The following PRKN variants were observed in gnomAD, a reference collection of about 807,000 sequenced individuals.
PRKN encodes the protein parkin RBR E3 ubiquitin protein ligase, also known as E3 ubiquitin-protein ligase parkin.
PRKN carries 56 observed loss-of-function variants against 59.5 expected under a neutral mutation model. The ratio of observed to expected loss-of-function variants is 0.94; its 90% CI spans 0.76 to 1.18. The LOEUF (loss-of-function observed/expected upper bound fraction) is 1.18, where lower values mean the gene tolerates loss of function less well. PRKN is among the 50% of genes most tolerant of loss of function. PRKN has a pLI of 0.00. For missense variants in PRKN, 657 were observed against 596.4 expected (o/e 1.10, Z -1.06); for synonymous variants, 250 against 222.1 (o/e 1.13, Z -1.12).
chr6:162,686,139 G>GA (rs1454439114), intron 1 of PRKN, among the ~76,000 whole-genome samples: 1 of 152,112 alleles, frequency 6.6e-6, no homozygotes. Context: ...ATGGTGACAT[G>GA]ATTTTTCTCT....
intron 2 of PRKN, among the ~76,000 whole-genome samples, chr6:162,368,896 T>C (rs1785599407): frequency 6.6e-6 from 1 of 152,210 alleles, no homozygotes; most frequent in East Asian, 1.9e-4. Context: ...ATTGGCCTAG[T>C]TCTCTTAGCT....
In PRKN at chr6:162,201,307, A is replaced by T. The variant is rs1043137871; in HGVS notation, c.413-55T>A. 8 of 1,590,116 alleles carry T rather than the reference A, an allele frequency of 5.0e-6. No homozygotes were observed. The African/African-American group carries it at 9.4e-5, about 19-fold the overall frequency. The stretch of plus-strand genomic sequence containing the variant: ...AATAATGCTGCATCTAAATTGAGAC[A>T]AGAAACTCTTTAAAAGCTTGTTAGA... On this transcript the variant is annotated intron_variant, in intron 3 of 11. Transcript: ENST00000366898.
In PRKN at chr6:161,372,740, G is replaced by A. The variant is rs1785489609; in HGVS notation, c.1168-12535C>T. On this transcript the variant is annotated intron_variant, in intron 10 of 11. Coordinates refer to ENST00000366898, the MANE Select transcript of PRKN (RefSeq NM_004562.3). The surrounding 1 kb of genome is among the most constrained non-coding windows in gnomAD (Gnocchi z 4.2). The stretch of plus-strand genomic sequence containing the variant: ...GTTCAACAAATTCCTAGGTGATGCC[G>A]ATGTCGCTAGCCTGCAGAGCTTCGG... Among the ~76,000 whole-genome samples the A allele has an allele frequency of 6.6e-6, 1 of 151,954 alleles. No individual in the cohort carries two copies. Among genetic ancestry groups the A allele is most frequent in the South Asian group, 2.1e-4 (1 of 4,808 alleles).
intron 2 of PRKN, among the ~76,000 whole-genome samples, chr6:162,384,098 T>A (rs1169587022): frequency 6.6e-6 from 1 of 152,204 alleles, no homozygotes; most frequent in Non-Finnish European, 1.5e-5. Flanking sequence ...AATGAGACTG[T>A]CTCACATTCA....
At chr6:161,758,433 T>C (rs1296192611) in intron 7 of PRKN, among the ~76,000 whole-genome samples, 1 of 152,126 alleles carries the variant, frequency 6.6e-6, no homozygotes, top group Non-Finnish European at 1.5e-5. Flanking sequence ...CAATGATAAA[T>C]TTCAAAATAA....
At chr6:162,195,565 A>T (rs1349458238) in intron 4 of PRKN, among the ~76,000 whole-genome samples, 2 of 152,230 alleles carry the variant, frequency 1.3e-5, no homozygotes, top group African/African-American at 4.8e-5. Context: ...GGCACTTTAC[A>T]TCTTACTCTA....
At chr6:162,722,773 A>G (rs1425805393) in intron 1 of PRKN, among the ~76,000 whole-genome samples, 3 of 152,318 alleles carry the variant, frequency 2.0e-5, no homozygotes, top group Non-Finnish European at 2.9e-5. Context: ...ATTTTCAGGC[A>G]ATGAAACTAT....
At chr6:162,279,753 T>G (rs891705150) in intron 2 of PRKN, among the ~76,000 whole-genome samples, 1 of 152,162 alleles carries the variant, frequency 6.6e-6, no homozygotes, top group Non-Finnish European at 1.5e-5. Context: ...CATTGGTCTG[T>G]TTAATACTGA....
intron 1 of PRKN, among the ~76,000 whole-genome samples, chr6:162,533,999 G>A (rs918120326): frequency 1.3e-5 from 2 of 150,180 alleles, no homozygotes; most frequent in Non-Finnish European, 1.5e-5. Context: ...GAGATATGAA[G>A]GAGGATTAAT....
intron 6 of PRKN, among the ~76,000 whole-genome samples, chr6:161,878,670 T>C (rs539922062): frequency 2.0e-4 from 31 of 152,174 alleles, no homozygotes; most frequent in Admixed American, 9.8e-4. Context: ...GTCCTTTTAG[T>C]GCAGGGCCCT....
chr6:162,396,793 T>C (rs185282820), intron 2 of PRKN, among the ~76,000 whole-genome samples: 10 of 152,226 alleles, frequency 6.6e-5, no homozygotes, highest in African/African-American at 2.2e-4. Flanking sequence ...GCAATCATAT[T>C]TACTGTGTTT....
chr6:161,975,553 A>G (rs2128252609), intron 5 of PRKN, among the ~76,000 whole-genome samples: 1 of 152,260 alleles, frequency 6.6e-6, no homozygotes, highest in East Asian at 1.9e-4. Context: ...CTCCTCTGAC[A>G]TGTGACACCA....
At chr6:161,826,766 C>T (rs1317969636) in intron 6 of PRKN, among the ~76,000 whole-genome samples, 2 of 152,298 alleles carry the variant, frequency 1.3e-5, no homozygotes, top group Admixed American at 6.5e-5. Context: ...CTGACAGCAC[C>T]AATTCAACAG....
intron 2 of PRKN, among the ~76,000 whole-genome samples, chr6:162,404,771 C>T (rs1236872412): frequency 2.0e-5 from 3 of 152,064 alleles, no homozygotes; most frequent in Admixed American, 6.5e-5. Context: ...AGGCTGGTCT[C>T]GAACTCCTGA....
intron 1 of PRKN, among the ~76,000 whole-genome samples, chr6:162,621,354 C>A (rs1295659820): frequency 6.6e-6 from 1 of 152,142 alleles, no homozygotes; most frequent in Non-Finnish European, 1.5e-5. Flanking sequence ...GCCAAGAGAA[C>A]AAGTCGAGGT....
At chr6:162,259,730 G>GTT (rs1779806394) in intron 3 of PRKN, among the ~76,000 whole-genome samples, 1 of 151,570 alleles carries the variant, frequency 6.6e-6, no homozygotes. Flanking sequence ...ATGCACAGGA[G>GTT]TTCTGTTGAA....
chr6:161,865,237 T>C (rs1360991859), intron 6 of PRKN, among the ~76,000 whole-genome samples: 1 of 152,216 alleles, frequency 6.6e-6, no homozygotes. Context: ...GAGTAAACCA[T>C]GGTGTAAACA....
chr6:161,543,527 T>C (rs955334834), intron 9 of PRKN, among the ~76,000 whole-genome samples: 1 of 152,208 alleles, frequency 6.6e-6, no homozygotes, highest in Non-Finnish European at 1.5e-5. Flanking sequence ...CGACACAGCA[T>C]GGTGTTTGTT....
intron 7 of PRKN, among the ~76,000 whole-genome samples, chr6:161,717,265 A>G (rs1371033049): frequency 1.3e-5 from 2 of 152,190 alleles, no homozygotes; most frequent in Admixed American, 6.5e-5. Flanking sequence ...CCCATGATGG[A>G]ATGCGGACGG....
Sources: gnomAD v4.1 joint callset for allele counts (sites outside exome capture counted in the v4.1 genomes callset) on GRCh38, gnomAD v4.1.1 for gene constraint, Gnocchi (gnomAD v3.1) non-coding constraint, MANE v1.5 for transcripts, NCBI Gene and HGNC (gene_info 2026-07-23, HGNC 2026-07-21) for gene names.